GIGYF2: variants seen among roughly 807,000 people sequenced by gnomAD.
GIGYF2 encodes the protein GRB10-interacting GYF protein 2.
In GIGYF2, 25 loss-of-function variants were observed where a neutral mutation model predicts 208.1. That is an observed-to-expected ratio of 0.12 (90% confidence interval 0.09 to 0.17). The LOEUF (loss-of-function observed/expected upper bound fraction) is 0.17. Ranked by LOEUF, GIGYF2 falls within the 10% of genes least tolerant of loss-of-function variation. GIGYF2 has a pLI of 1.00. For missense variants in GIGYF2, 1,302 were observed against 1,579.4 expected (o/e 0.82, Z 2.98); for synonymous variants, 534 against 543.8 (o/e 0.98, Z 0.25).
chr2:232,702,642 A>G lies in GIGYF2; in HGVS notation c.-109-782A>G, dbSNP rs145504917. 4.6e-4 allele frequency among the ~76,000 whole-genome samples: 70 copies of G among 152,318 alleles called. No homozygotes were observed. In the South Asian group the frequency reaches 7.5e-3, roughly 16 times the overall value. On this transcript the variant is annotated intron_variant, in intron 1 of 28. Transcript: ENST00000373563. ...GAATATCACCAACTTATGGATTTTT[A>G]AGATATTGCCCCAACAGAGCATTAA...
chr2:232,850,906 T>C lies in GIGYF2; in HGVS notation c.3832+497T>C, dbSNP rs1453958021. On this transcript the variant is annotated intron_variant, in intron 28 of 28. Coordinates refer to ENST00000373563, the MANE Select transcript of GIGYF2 (RefSeq NM_001103146.3). ...ACATACCAGTTTCACCAATAATGAGTAGACCAAGGCACAGAGATTGAGAAC... is the reference window on the plus strand; with the variant it reads ...ACATACCAGTTTCACCAATAATGAGCAGACCAAGGCACAGAGATTGAGAAC... Among the ~76,000 whole-genome samples, 3 of 152,146 alleles carry C rather than the reference T, an allele frequency of 2.0e-5. No homozygotes were observed. The East Asian group carries it at 5.8e-4, about 29-fold the overall frequency.
At chr2:232,762,239 TTTTTTTTTTTG>T (rs1421352062) in intron 8 of GIGYF2, among the ~76,000 whole-genome samples, 13 of 82,998 alleles carry the variant, frequency 1.6e-4, no homozygotes, top group Admixed American at 6.0e-4. Flanking sequence ...TTTTTTTTTG[TTTTTTTTTTTG>T]TTTTTTTTTG....
At chr2:232,841,846 T>C (rs1441056199) in intron 23 of GIGYF2, among the ~76,000 whole-genome samples, 1 of 152,104 alleles carries the variant, frequency 6.6e-6, no homozygotes, top group Non-Finnish European at 1.5e-5. Context: ...GTTCCTGTTA[T>C]TTACATGTTT....
Position 232,771,150 on chromosome 2 carries a change from A to G in GIGYF2, c.532+9714A>G, listed in dbSNP as rs1441331032. 6 of 1,614,050 alleles carry G rather than the reference A, an allele frequency of 3.7e-6. No homozygotes were observed. Among genetic ancestry groups the G allele is most frequent in the Non-Finnish European group, 5.1e-6 (6 of 1,180,010 alleles). On this transcript the variant is annotated intron_variant, in intron 8 of 28. Coordinates refer to ENST00000373563, the MANE Select transcript of GIGYF2 (RefSeq NM_001103146.3). ...CAGCCAGAACATACCAGAGCACTGC[A>G]AAGACAAGCCAGTGGACAACAAAAG...
At chr2:232,698,262 C>G (rs925501291) in intron 1 of GIGYF2, 1 of 152,098 alleles carries the variant, frequency 6.6e-6, no homozygotes, top group African/African-American at 2.4e-5. Flanking sequence ...TTTCGTTTTC[C>G]TGCAAGTCAA....
intron 7 of GIGYF2, 186 bp downstream of exon 7, chr2:232,760,777 C>T: frequency 1.8e-6 from 1 of 549,586 alleles, no homozygotes; most frequent in Non-Finnish European, 3.3e-6. Context: ...AAGACGGATT[C>T]TAGATAGATA....
intron 14 of GIGYF2, among the ~76,000 whole-genome samples, chr2:232,802,522 T>C (rs1290870950): frequency 6.6e-6 from 1 of 152,174 alleles, no homozygotes; most frequent in Non-Finnish European, 1.5e-5. Flanking sequence ...ATTAATATGG[T>C]ATATTACATT....
At chr2:232,784,382 A>ATTTGTTTTTTTTTTTT (rs1360964345) in intron 8 of GIGYF2, among the ~76,000 whole-genome samples, 1 of 70,418 alleles carries the variant, frequency 1.4e-5, no homozygotes, top group Non-Finnish European at 2.6e-5. Flanking sequence ...ACACGAAATA[A>ATTTGTTTTTTTTTTTT]TTTCTTTTTT....
intron 5 of GIGYF2, among the ~76,000 whole-genome samples, chr2:232,750,946 C>T (rs1467174905): frequency 6.6e-6 from 1 of 152,190 alleles, no homozygotes; most frequent in Non-Finnish European, 1.5e-5. Flanking sequence ...TCTCCTGTCT[C>T]AGCCTCCTGC....
Position 232,857,667 on chromosome 2 carries a change from A to C in GIGYF2, c.*807A>C, listed in dbSNP as rs1690626053. 1 of 152,608 alleles carries C rather than the reference A, an allele frequency of 6.6e-6. No individual in the cohort carries two copies. The highest frequency in any genetic ancestry group is 6.5e-5 in the Admixed American group (1 of 15,272). The allele number at this position is 152,608 out of a possible 1,614,324, so 9.5% of individuals were successfully genotyped here. A position where few individuals can be genotyped will look rare whatever the true frequency, so the allele number is the denominator to read the frequency against. On this transcript the variant is annotated 3_prime_UTR_variant, in exon 29 of 29. Coordinates refer to ENST00000373563, the MANE Select transcript of GIGYF2 (RefSeq NM_001103146.3). The stretch of plus-strand genomic sequence containing the variant: ...TCTTACAAAAACTGATTTTTCCCAT[A>C]AATATTTTTACTTCAGAGGACTAGG...
At chr2:232,733,286 A>G (rs994030706) in intron 2 of GIGYF2, among the ~76,000 whole-genome samples, 1 of 145,794 alleles carries the variant, frequency 6.9e-6, no homozygotes, top group Non-Finnish European at 1.5e-5. Context: ...AGTGATGAGG[A>G]GGGGACTAAG....
In GIGYF2 at chr2:232,787,307, G is replaced by A; in HGVS notation, c.690G>A (p.Glu230=). 6.2e-7 allele frequency: 1 copy of A among 1,614,078 alleles called. No homozygotes were observed. The change falls in exon 9 of 29, where the codon GAG becomes GAA. Residue 230 remains glutamate, a synonymous_variant. Transcript: ENST00000373563. ...TAGCTGGATCAAGGAGGGATGGAGA[G>A]AGGTGGCGACCTCACAGTCCTGGTA... is the stretch of plus-strand genomic sequence containing the variant. The part of the protein sequence containing the change: ...WRLAGSRRDG[E]RWRPHSPDGP...
intron 2 of GIGYF2, among the ~76,000 whole-genome samples, chr2:232,708,160 A>G (rs1696213507): frequency 1.3e-5 from 2 of 151,932 alleles, no homozygotes; most frequent in South Asian, 2.1e-4. Context: ...GGTTTTTGCC[A>G]TGTTGCCCAG....
chr2:232,760,633 TA>T (rs1218226599), intron 7 of GIGYF2, 42 bp downstream of exon 7: 1 of 1,315,246 alleles, frequency 7.6e-7, no homozygotes, highest in Admixed American at 1.7e-5. Context: ...TCTTGGCATA[TA>T]AAACTTATAT....
intron 2 of GIGYF2, among the ~76,000 whole-genome samples, chr2:232,714,619 C>CTGTT: frequency 6.6e-6 from 1 of 152,266 alleles, no homozygotes; most frequent in Non-Finnish European, 1.5e-5. Context: ...ACTGATGTAA[C>CTGTT]TGTTACTGTA....
At chr2:232,767,852 A>G (rs1699038967) in intron 8 of GIGYF2, 2 of 279,116 alleles carry the variant, frequency 7.2e-6, no homozygotes, top group Non-Finnish European at 1.4e-5. Flanking sequence ...TTAATGGTTG[A>G]TTTTCTTAGA....
chr2:232,708,586 A>T (rs1049501844), intron 2 of GIGYF2, among the ~76,000 whole-genome samples: 2 of 151,726 alleles, frequency 1.3e-5, no homozygotes, highest in East Asian at 3.9e-4. Context: ...CTGTAATTCC[A>T]GCACTTGAAA....
At chr2:232,750,127 G>A (rs1698286038) in intron 5 of GIGYF2, among the ~76,000 whole-genome samples, 1 of 151,956 alleles carries the variant, frequency 6.6e-6, no homozygotes, top group Admixed American at 6.6e-5. Context: ...AGAGATTGCA[G>A]TGAGCTGAGA....
chr2:232,847,688 C>A (rs1321605182), intron 27 of GIGYF2, 117 bp downstream of exon 27: 1 of 1,400,398 alleles, frequency 7.1e-7, no homozygotes, highest in Non-Finnish European at 9.9e-7. Context: ...AATAACCATG[C>A]TTTAAAAAAT....
Sources: allele counts gnomAD v4.1 joint callset (sites outside exome capture counted in the v4.1 genomes callset), GRCh38; gene constraint gnomAD v4.1.1; transcripts MANE v1.5; gene names NCBI Gene and HGNC (gene_info 2026-07-23, HGNC 2026-07-21).